EPN2: variants seen among roughly 807,000 people sequenced by gnomAD.
The protein encoded by EPN2 is epsin-2.
EPN2 carries 34 observed loss-of-function variants against 61.7 expected under a neutral mutation model. The ratio of observed to expected loss-of-function variants is 0.55; its 90% CI spans 0.42 to 0.73. The LOEUF is 0.73. EPN2 is among the 30% of genes least tolerant of loss of function. The pLI, the probability that EPN2 is intolerant of heterozygous loss-of-function variation, is 0.00. For missense variants in EPN2, 714 were observed against 839.2 expected (o/e 0.85, Z 1.84); for synonymous variants, 349 against 353.6 (o/e 0.99, Z 0.15).
chr17:19,290,380 C>T (rs1318577639), intron 4 of EPN2, among the ~76,000 whole-genome samples: 1 of 152,146 alleles, frequency 6.6e-6, no homozygotes, highest in East Asian at 1.9e-4. Context: ...TACAGAAGTT[C>T]TTGGGGTAGA....
intron 4 of EPN2, among the ~76,000 whole-genome samples, chr17:19,306,657 T>C (rs541271164): frequency 6.6e-6 from 1 of 152,318 alleles, no homozygotes; most frequent in African/African-American, 2.4e-5. Flanking sequence ...GAGGCCTCAC[T>C]TCTCCAGCAG....
chr17:19,336,691 ATATAAT>A lies in EPN2; in HGVS notation c.*2439_*2444del. On this transcript the variant is annotated 3_prime_UTR_variant, in exon 11 of 11. Coordinates refer to ENST00000314728, the MANE Select transcript of EPN2 (RefSeq NM_014964.5). Reference sequence around the variant, plus strand: ...CTGTTGATACTTATTTACTGTATAAATATAATTTATCATTTGTACCATGATGCGGTT... The same window carrying A: ...CTGTTGATACTTATTTACTGTATAAATTATCATTTGTACCATGATGCGGTT... 6.5e-6 allele frequency: 1 copy of A among 152,704 alleles called. No homozygotes were observed. The highest frequency in any genetic ancestry group is 1.9e-4 in the East Asian group (1 of 5,182). The allele number at this position is 152,704 out of a possible 1,614,324, so 9.5% of individuals were successfully genotyped here. A position where few individuals can be genotyped will look rare whatever the true frequency, so the allele number is the denominator to read the frequency against.
chr17:19,273,001 C>A (rs757714160), intron 1 of EPN2: 1 of 152,222 alleles, frequency 6.6e-6, no homozygotes, highest in Non-Finnish European at 1.5e-5. Context: ...ATGATAAGGG[C>A]ATGTTGATAA....
intron 5 of EPN2, 21 bp downstream of exon 5, chr17:19,310,018 TG>T (rs746757737): frequency 1.5e-5 from 23 of 1,555,088 alleles, no homozygotes; most frequent in Non-Finnish European, 2.0e-5. Flanking sequence ...CAGGCAGGTC[TG>T]CACTGCATTG....
At chr17:19,262,887 G>A (rs1164168473) in intron 1 of EPN2, among the ~76,000 whole-genome samples, 3 of 152,224 alleles carry the variant, frequency 2.0e-5, no homozygotes, top group Non-Finnish European at 4.4e-5. Flanking sequence ...TAATGTTGTC[G>A]AGGTTCATCC....
chr17:19,274,679 C>CG (rs1227611094), intron 1 of EPN2, among the ~76,000 whole-genome samples: 1 of 152,156 alleles, frequency 6.6e-6, no homozygotes, highest in Non-Finnish European at 1.5e-5. Flanking sequence ...CACAGAGGCA[C>CG]GGGGTGTAGA....
intron 7 of EPN2, among the ~76,000 whole-genome samples, chr17:19,324,872 CAAG>C (rs1376387489): frequency 2.0e-5 from 3 of 151,980 alleles, no homozygotes; most frequent in Non-Finnish European, 4.4e-5. Flanking sequence ...AAATTTCTGG[CAAG>C]AAATTTTTTT....
intron 4 of EPN2, among the ~76,000 whole-genome samples, chr17:19,290,411 G>A (rs2045451669): frequency 6.6e-6 from 1 of 152,156 alleles, no homozygotes; most frequent in Non-Finnish European, 1.5e-5. Context: ...ATCAAAGGGA[G>A]GCAGATGGGG....
In EPN2 at chr17:19,285,020, A is replaced by G. The variant is rs1383647102; in HGVS notation, c.596-600A>G. The stretch of plus-strand genomic sequence containing the variant: ...GCAGGGTTAAATTGCACCAAAACAA[A>G]TGAAGATTGCCCTTTAAGAAGTGAA... On this transcript the variant is annotated intron_variant, in intron 3 of 10. Coordinates refer to ENST00000314728, the MANE Select transcript of EPN2 (RefSeq NM_014964.5). This position sits in a 1 kb window ranked among gnomAD's most constrained non-coding sequence, Gnocchi z 4.5. Among the ~76,000 whole-genome samples, 1 of 152,238 alleles carries G rather than the reference A, an allele frequency of 6.6e-6. No individual in the cohort carries two copies. The highest frequency in any genetic ancestry group is 1.5e-5 in the Non-Finnish European group (1 of 68,042).
chr17:19,330,523 G>A (rs1236120160), intron 9 of EPN2: 1 of 152,408 alleles, frequency 6.6e-6, no homozygotes, highest in Admixed American at 6.5e-5. Context: ...AGAGCTCCCA[G>A]CTGAGAGACC....
At chr17:19,288,210 C>T in intron 4 of EPN2, among the ~76,000 whole-genome samples, 1 of 152,200 alleles carries the variant, frequency 6.6e-6, no homozygotes, top group East Asian at 1.9e-4. Context: ...GGCCTGCTGA[C>T]GTCTGCCTGC....
intron 10 of EPN2, among the ~76,000 whole-genome samples, chr17:19,333,129 C>G (rs1318793623): frequency 6.6e-6 from 1 of 152,164 alleles, no homozygotes; most frequent in Non-Finnish European, 1.5e-5. Flanking sequence ...TTCCAGCCTC[C>G]TCAGCCAGCC....
rs532861504 is a variant in EPN2, at chr17:19,262,886, C to T, written c.-293-19069C>T. Among the ~76,000 whole-genome samples the T allele has an allele frequency of 1.9e-4, 29 of 152,310 alleles. No individual in the cohort carries two copies. The South Asian group carries it at 5.4e-3, about 28-fold the overall frequency. On this transcript the variant is annotated intron_variant, in intron 1 of 10. Coordinates refer to ENST00000314728, the MANE Select transcript of EPN2 (RefSeq NM_014964.5). ...CTTCTTACATTCAGTGTAATGTTGTCGAGGTTCATCCATATGGTAGAATGG... is the reference window on the plus strand; with the variant it reads ...CTTCTTACATTCAGTGTAATGTTGTTGAGGTTCATCCATATGGTAGAATGG...
At chr17:19,252,017 T>A (rs1469593902) in intron 1 of EPN2, among the ~76,000 whole-genome samples, 3 of 152,190 alleles carry the variant, frequency 2.0e-5, no homozygotes, top group Admixed American at 2.0e-4. Context: ...GCATTTTGAT[T>A]GTGACCCCGT....
intron 1 of EPN2, among the ~76,000 whole-genome samples, chr17:19,238,488 C>T (rs2044844211): frequency 6.6e-6 from 1 of 152,176 alleles, no homozygotes; most frequent in Non-Finnish European, 1.5e-5. Flanking sequence ...CCAAGGAGTC[C>T]GTCTGGGCGA....
chr17:19,313,112 C>T lies in EPN2; in HGVS notation c.980C>T (p.Ser327Phe). 6.2e-7 allele frequency: 1 copy of T among 1,613,342 alleles called. No homozygotes were observed. The highest frequency in any genetic ancestry group is 8.5e-7 in the Non-Finnish European group (1 of 1,179,618). The change falls in exon 7 of 11, where the codon TCT becomes TTT. Residue 327 changes from serine (S) to phenylalanine (F), a missense_variant. This residue lies in a region of EPN2 where 410 missense variants were observed against 421.8 expected (regional missense o/e 0.97). Transcript: ENST00000314728. ...TTCTCTTTGTCTTAAAAGCATGGCT[C>T]TCTCCCACAGCAGACTACGCTGTTG... Reference protein sequence around the residue: ...VKIPKKKEHGSLPQQTTLLDL... With the variant: ...VKIPKKKEHGFLPQQTTLLDL...
At chr17:19,286,876 G>A (rs904510475) in intron 4 of EPN2, among the ~76,000 whole-genome samples, 9 of 152,152 alleles carry the variant, frequency 5.9e-5, no homozygotes, top group Admixed American at 5.9e-4. Context: ...AAAAGCATTC[G>A]TTAAAGGGTC....
Position 19,294,939 on chromosome 17 carries a change from A to G in EPN2, c.766+9149A>G, listed in dbSNP as rs559646298. Among the ~76,000 whole-genome samples the G allele has an allele frequency of 2.3e-3, 351 of 152,224 alleles. 1 individual carries two copies. Among genetic ancestry groups the G allele is most frequent in the African/African-American group, 8.1e-3 (337 of 41,512 alleles). ...TACAGCAGTTGCTAGTTTCAAATAG[A>G]CAACTTCCAGGAGGCATTAAAAAAA... is the stretch of plus-strand genomic sequence containing the variant. On this transcript the variant is annotated intron_variant, in intron 4 of 10. Transcript: ENST00000314728.
chr17:19,272,775 T>C (rs982430700), intron 1 of EPN2, among the ~76,000 whole-genome samples: 3 of 151,934 alleles, frequency 2.0e-5, no homozygotes, highest in African/African-American at 7.3e-5. Flanking sequence ...CTTTATGGAG[T>C]GTTGCTGCCT....
Sources: allele counts gnomAD v4.1 joint callset (sites outside exome capture counted in the v4.1 genomes callset), GRCh38; gene constraint gnomAD v4.1.1; regional missense constraint gnomAD v4.1.1; non-coding constraint Gnocchi (gnomAD v3.1); transcripts MANE v1.5; gene names NCBI Gene and HGNC (gene_info 2026-07-23, HGNC 2026-07-21).